GRM1: variants seen among roughly 807,000 people sequenced by gnomAD.
GRM1 encodes the protein metabotropic glutamate receptor 1.
GRM1 carries 33 observed loss-of-function variants against 90.9 expected under a neutral mutation model. That is an observed-to-expected ratio of 0.36 (90% CI 0.28 to 0.49). The LOEUF (loss-of-function observed/expected upper bound fraction) is 0.49. Ranked by LOEUF, GRM1 falls within the 20% of genes least tolerant of loss-of-function variation. The pLI, the probability that GRM1 is intolerant of heterozygous loss-of-function variation, is 0.99. For synonymous variants in GRM1, 700 were observed against 613.2 expected, an observed-to-expected ratio of 1.14 and a Z score of -2.09; for missense variants, 1,190 against 1,534.3, an observed-to-expected ratio of 0.78 and a Z score of 3.75.
At chr6:146,078,103 A>T (rs986931940) in intron 1 of GRM1, among the ~76,000 whole-genome samples, 1 of 152,240 alleles carries the variant, frequency 6.6e-6, no homozygotes, top group African/African-American at 2.4e-5. Flanking sequence ...TGGAAAAAAA[A>T]GATTTCCTTT....
chr6:146,115,372 A>T (rs1337396314), intron 1 of GRM1, among the ~76,000 whole-genome samples: 3 of 152,126 alleles, frequency 2.0e-5, no homozygotes, highest in Admixed American at 2.0e-4. Context: ...GACACATAGC[A>T]TGTTCTCAAC....
chr6:146,111,354 A>G (rs1327098962), intron 1 of GRM1, among the ~76,000 whole-genome samples: 1 of 152,214 alleles, frequency 6.6e-6, no homozygotes, highest in Non-Finnish European at 1.5e-5. Flanking sequence ...TATTCAGAAA[A>G]ACATTTACTG....
At chr6:146,067,746 C>G (rs965003769) in intron 1 of GRM1, among the ~76,000 whole-genome samples, 1 of 151,704 alleles carries the variant, frequency 6.6e-6, no homozygotes, top group African/African-American at 2.4e-5. Context: ...CAAAACAAAA[C>G]AACAAAATAA....
At chr6:146,205,032 C>T (rs1221394089) in intron 2 of GRM1, among the ~76,000 whole-genome samples, 2 of 152,158 alleles carry the variant, frequency 1.3e-5, no homozygotes, top group African/African-American at 4.8e-5. Flanking sequence ...TATGAAAATG[C>T]ATGCATCAAA....
At chr6:146,329,141 A>G (rs1337756123) in intron 3 of GRM1, among the ~76,000 whole-genome samples, 6 of 152,166 alleles carry the variant, frequency 3.9e-5, no homozygotes, top group Non-Finnish European at 8.8e-5. Flanking sequence ...TAGATTCCTT[A>G]AAGATTGTGA....
intron 2 of GRM1, among the ~76,000 whole-genome samples, chr6:146,294,815 T>C (rs534204867): frequency 2.0e-5 from 3 of 152,330 alleles, no homozygotes; most frequent in Admixed American, 2.0e-4. Flanking sequence ...TGCCTGAAAA[T>C]AAGTTGTATC....
intron 5 of GRM1, among the ~76,000 whole-genome samples, chr6:146,379,404 C>A (rs1157998989): frequency 6.6e-6 from 1 of 151,982 alleles, no homozygotes; most frequent in Non-Finnish European, 1.5e-5. Context: ...TTTTTCAGAT[C>A]CAGAATTTCT....
rs3064997 is a variant in GRM1 at position 146,043,782 on chromosome 6, G to GATATATATAT, written c.700+13585_700+13594dup. On this transcript the variant is annotated intron_variant, in intron 1 of 7. Transcript: ENST00000282753. ...ACTCTATTTTTGGAAAGAGTCAGGT[G>GATATATATAT]ATATATATATATATATATATATATA... Among the ~76,000 whole-genome samples the GATATATATAT allele has an allele frequency of 4.0e-3, 364 of 89,940 alleles. 5 individuals carry two copies. The highest frequency in any genetic ancestry group is 0.012 in the South Asian group (28 of 2,360). 59.0% of individuals were successfully genotyped at this position (89,940 alleles called of 152,430 possible).
At chr6:146,409,957 T>G (rs1262584945) in intron 7 of GRM1, among the ~76,000 whole-genome samples, 1 of 152,184 alleles carries the variant, frequency 6.6e-6, no homozygotes. Context: ...TCCCCAAATT[T>G]TCCAGTTATA....
At chr6:146,318,324 A>G (rs531557852) in intron 3 of GRM1, among the ~76,000 whole-genome samples, 8 of 152,346 alleles carry the variant, frequency 5.3e-5, no homozygotes, top group African/African-American at 1.4e-4. Flanking sequence ...TGCAAAGGAC[A>G]TGAACTCGTC....
intron 2 of GRM1, among the ~76,000 whole-genome samples, chr6:146,237,982 C>A (rs1028503484): frequency 2.0e-5 from 3 of 152,144 alleles, no homozygotes; most frequent in Non-Finnish European, 2.9e-5. Context: ...TTGGTTGTTG[C>A]AATGACCCCT....
chr6:146,434,174 C>T lies in GRM1; in HGVS notation c.2963C>T (p.Thr988Ile). ...AGGCGCGTGCCAAGCGCGGCGACCA[C>T]TCCGCCTCTGCCGTCCCACCTGACC... Reference protein sequence around the residue: ...VHRRVPSAATTPPLPSHLTAE... With the variant: ...VHRRVPSAATIPPLPSHLTAE... The change falls in exon 8 of 8, where the codon ACT becomes ATT. Residue 988 changes from threonine to isoleucine, a missense_variant. By Grantham distance (89) the Thr-to-Ile change is moderately conservative. Around this residue, in one of 10 missense-constraint regions of GRM1, gnomAD observed 400 missense variants for 360.8 expected, o/e 1.11. Coordinates refer to ENST00000282753, the MANE Select transcript of GRM1 (RefSeq NM_001278064.2). 6.2e-7 allele frequency: 1 copy of T among 1,613,638 alleles called. No individual in the cohort carries two copies. Among genetic ancestry groups the T allele is most frequent in the Middle Eastern group, 1.6e-4 (1 of 6,062 alleles).
At position 146,316,859 on chromosome 6, in the gene GRM1, G is replaced by A. The variant is rs1562603623; in HGVS notation, c.1186+12013G>A. ...GACCCTAAAATGTTGAAGGCCCAAGGTCCATTTCAGATATTTGATGCTCAC... is the reference window on the plus strand; with the variant it reads ...GACCCTAAAATGTTGAAGGCCCAAGATCCATTTCAGATATTTGATGCTCAC... On this transcript the variant is annotated intron_variant, in intron 3 of 7. Transcript: ENST00000282753. 3.3e-5 allele frequency among the ~76,000 whole-genome samples: 5 copies of A among 152,244 alleles called. No homozygotes were observed. In the South Asian group the frequency reaches 1.0e-3, roughly 32 times the overall value.
Position 146,399,231 on chromosome 6 carries a change from T to C in GRM1, c.2192T>C (p.Met731Thr). 6.2e-7 allele frequency: 1 copy of C among 1,614,040 alleles called. No individual in the cohort carries two copies. The change falls in exon 7 of 8, where the codon ATG (methionine) becomes ACG (threonine). Residue 731 changes from methionine to threonine, a missense_variant. Physicochemically the swap from Met to Thr is moderately conservative, Grantham distance 81. Coordinates refer to ENST00000282753, the MANE Select transcript of GRM1 (RefSeq NM_001278064.2). This position sits in a 1 kb window ranked among gnomAD's most constrained non-coding sequence, Gnocchi z 5.4. ...VVTLIIMEPPMPILSYPSIKE... is the reference protein window; with the variant it reads ...VVTLIIMEPPTPILSYPSIKE... The stretch of plus-strand genomic sequence containing the variant: ...ACCCTGATCATCATGGAACCCCCTA[T>C]GCCCATTCTGTCCTACCCAAGTATC...
At chr6:146,092,565 A>G (rs1166112404) in intron 1 of GRM1, among the ~76,000 whole-genome samples, 1 of 152,096 alleles carries the variant, frequency 6.6e-6, no homozygotes, top group Non-Finnish European at 1.5e-5. Context: ...ACAGAGTCAC[A>G]TAGGCATGGA....
chr6:146,088,726 C>T (rs1412753680), intron 1 of GRM1, among the ~76,000 whole-genome samples: 1 of 152,044 alleles, frequency 6.6e-6, no homozygotes, highest in South Asian at 2.1e-4. Context: ...GGGAGAAAAT[C>T]CACCTATCTA....
intron 2 of GRM1, among the ~76,000 whole-genome samples, chr6:146,224,879 T>G (rs994540276): frequency 2.6e-5 from 4 of 152,130 alleles, no homozygotes; most frequent in Non-Finnish European, 4.4e-5. Flanking sequence ...ACTGGTCAGT[T>G]AGTATCAATC....
chr6:146,382,238 A>G (rs770469280), intron 5 of GRM1, among the ~76,000 whole-genome samples: 1 of 151,052 alleles, frequency 6.6e-6, no homozygotes, highest in East Asian at 2.0e-4. Context: ...AATATCAGTT[A>G]CTATGACAAA....
chr6:146,355,275 A>G (rs1785544878), intron 4 of GRM1, among the ~76,000 whole-genome samples: 1 of 151,754 alleles, frequency 6.6e-6, no homozygotes, highest in African/African-American at 2.4e-5. Context: ...AGTGTCATTG[A>G]TCAACAGGAT....
Sources: allele counts gnomAD v4.1 joint callset (sites outside exome capture counted in the v4.1 genomes callset), GRCh38; gene constraint gnomAD v4.1.1; regional missense constraint gnomAD v4.1.1; non-coding constraint Gnocchi (gnomAD v3.1); transcripts MANE v1.5; gene names NCBI Gene and HGNC (gene_info 2026-07-23, HGNC 2026-07-21).